The following GRIK4 variants were observed in gnomAD, a reference collection of about 807,000 sequenced individuals.
The protein encoded by GRIK4 is glutamate ionotropic receptor kainate type subunit 4.
A neutral mutation model predicts 104.9 loss-of-function variants in GRIK4; 40 were observed. The ratio of observed to expected loss-of-function variants is 0.38; its 90% CI spans 0.30 to 0.50. GRIK4 has a LOEUF of 0.50. Ranked by LOEUF, GRIK4 falls within the 20% of genes least tolerant of loss-of-function variation. The pLI is 0.93. For synonymous variants in GRIK4, 485 were observed against 524.9 expected, an observed-to-expected ratio of 0.92 and a Z score of 1.04; for missense variants, 1,047 against 1,308.1, an observed-to-expected ratio of 0.80 and a Z score of 3.08.
chr11:120,648,604 A>G (rs886551869), intron 1 of GRIK4, among the ~76,000 whole-genome samples: 6 of 152,124 alleles, frequency 3.9e-5, no homozygotes, highest in South Asian at 2.1e-4. Context: ...CTGTGGAGGA[A>G]TGTTCCAGAG....
intron 1 of GRIK4, among the ~76,000 whole-genome samples, chr11:120,629,965 G>A (rs1226615085): frequency 1.3e-5 from 2 of 152,170 alleles, no homozygotes; most frequent in Non-Finnish European, 2.9e-5. Context: ...CAAAGCTTTG[G>A]TGCAGGATAC....
intron 3 of GRIK4, among the ~76,000 whole-genome samples, chr11:120,694,093 T>C (rs548383035): frequency 2.0e-4 from 30 of 152,304 alleles, no homozygotes; most frequent in African/African-American, 7.2e-4. Flanking sequence ...GGACTGCAAG[T>C]GCCCATGGCA....
chr11:120,935,924 C>T (rs181016949), intron 13 of GRIK4, among the ~76,000 whole-genome samples: 9 of 152,134 alleles, frequency 5.9e-5, no homozygotes, highest in East Asian at 1.9e-4. Flanking sequence ...ACAAATCCTA[C>T]GTAGCCTTAC....
intron 3 of GRIK4, among the ~76,000 whole-genome samples, chr11:120,729,136 C>A (rs1397900606): frequency 6.6e-6 from 1 of 152,104 alleles, no homozygotes; most frequent in Non-Finnish European, 1.5e-5. Context: ...TGTATATGTA[C>A]CACATTTTCT....
chr11:120,515,796 GA>G (rs755191539), intron 1 of GRIK4, among the ~76,000 whole-genome samples: 25 of 152,206 alleles, frequency 1.6e-4, no homozygotes, highest in Non-Finnish European at 3.4e-4. Context: ...AATCCAGTAT[GA>G]ACAAAAAACT....
chr11:120,876,502 C>T (rs375152433), intron 11 of GRIK4, among the ~76,000 whole-genome samples: 1 of 149,262 alleles, frequency 6.7e-6, no homozygotes, highest in South Asian at 2.2e-4. Context: ...ACTACCACTG[C>T]GATTGTCATC....
chr11:120,592,481 G>A (rs1277271545), intron 1 of GRIK4, among the ~76,000 whole-genome samples: 1 of 152,194 alleles, frequency 6.6e-6, no homozygotes, highest in Admixed American at 6.5e-5. Context: ...GCTCGGTACT[G>A]CATTCCGTTG....
chr11:120,564,597 G>C (rs1948286909), intron 1 of GRIK4: 1 of 152,342 alleles, frequency 6.6e-6, no homozygotes, highest in African/African-American at 2.4e-5. Flanking sequence ...AGCCCCCCTC[G>C]ACCCGCCTTC....
At chr11:120,979,688 A>G (rs982687109) in intron 19 of GRIK4, among the ~76,000 whole-genome samples, 3 of 152,136 alleles carry the variant, frequency 2.0e-5, no homozygotes, top group Admixed American at 1.3e-4. Context: ...AGAAGACTGG[A>G]GGAGGACCAG....
intron 3 of GRIK4, among the ~76,000 whole-genome samples, chr11:120,738,465 G>A (rs1039655758): frequency 3.9e-5 from 6 of 152,216 alleles, no homozygotes; most frequent in Non-Finnish European, 8.8e-5. Context: ...GTCAGACTCA[G>A]CCCCAATGGC....
At chr11:120,985,080 C>T (rs1189196518) in intron 20 of GRIK4, among the ~76,000 whole-genome samples, 1 of 151,748 alleles carries the variant, frequency 6.6e-6, no homozygotes, top group Non-Finnish European at 1.5e-5. Flanking sequence ...CTGCCTACCT[C>T]GGCCCTCCAA....
intron 3 of GRIK4, among the ~76,000 whole-genome samples, chr11:120,733,747 T>TC (rs1481080804): frequency 1.2e-4 from 17 of 144,908 alleles, no homozygotes; most frequent in African/African-American, 2.1e-4. Flanking sequence ...TTTTTTTTTT[T>TC]TTTTTTTTGA....
rs567024875 is a variant in GRIK4 at position 120,721,694 on chromosome 11, G to A, written c.82+61294G>A. 2.6e-5 allele frequency among the ~76,000 whole-genome samples: 4 copies of A among 152,266 alleles called. No homozygotes were observed. In the South Asian group the frequency reaches 6.2e-4, roughly 24 times the overall value. Reference sequence around the variant, plus strand: ...ATTAGGGCAGGTGGCTGGTGGTCCAGAGTGGGAGATTCAATAAAGGAAATA... The same window carrying A: ...ATTAGGGCAGGTGGCTGGTGGTCCAAAGTGGGAGATTCAATAAAGGAAATA... On this transcript the variant is annotated intron_variant, in intron 3 of 20. Coordinates refer to ENST00000527524, the MANE Select transcript of GRIK4 (RefSeq NM_014619.5).
chr11:120,653,237 G>T (rs141389380), intron 1 of GRIK4, among the ~76,000 whole-genome samples: 2 of 152,248 alleles, frequency 1.3e-5, no homozygotes, highest in African/African-American at 4.8e-5. Context: ...GAACCAGGGG[G>T]CCAGTCTCTT....
rs533848224 is a variant in GRIK4, at chr11:120,566,959, G to A, written c.-159+55072G>A. Among the ~76,000 whole-genome samples, 13 of 149,072 alleles carry A rather than the reference G, an allele frequency of 8.7e-5. No individual in the cohort carries two copies. In the South Asian group the frequency reaches 2.5e-3, roughly 29 times the overall value. On this transcript the variant is annotated intron_variant, in intron 1 of 20. Coordinates refer to ENST00000527524, the MANE Select transcript of GRIK4 (RefSeq NM_014619.5). Reference sequence around the variant, plus strand: ...CCTGACCTCGTGTTCCGCCCACCTCGGCCTCCTAATTTTTTTTTTTTTTTT... The same window carrying A: ...CCTGACCTCGTGTTCCGCCCACCTCAGCCTCCTAATTTTTTTTTTTTTTTT...
chr11:120,675,408 G>A (rs1038301342), intron 3 of GRIK4, among the ~76,000 whole-genome samples: 1 of 152,174 alleles, frequency 6.6e-6, no homozygotes, highest in African/African-American at 2.4e-5. Context: ...CCACTTACTA[G>A]CTAAGTGCTT....
At chr11:120,602,668 C>T (rs4936527) in intron 1 of GRIK4, among the ~76,000 whole-genome samples, 4,130 of 152,290 alleles carry the variant, frequency 0.027, 350 homozygotes, top group East Asian at 0.17. Context: ...GTATCTGTCT[C>T]GCCTTAGTTT....
chr11:120,820,004 C>A, intron 6 of GRIK4, 84 bp downstream of exon 6: 2 of 1,365,866 alleles, frequency 1.5e-6, no homozygotes, highest in Non-Finnish European at 2.1e-6. Context: ...GGCTGGAGAC[C>A]CTCCAGGAAG....
intron 1 of GRIK4, among the ~76,000 whole-genome samples, chr11:120,613,799 G>A (rs1949069620): frequency 6.6e-6 from 1 of 152,220 alleles, no homozygotes; most frequent in Non-Finnish European, 1.5e-5. Flanking sequence ...AGAGTCAGGT[G>A]TGGGGTGAGC....
Sources: allele counts gnomAD v4.1 joint callset (sites outside exome capture counted in the v4.1 genomes callset), GRCh38; gene constraint gnomAD v4.1.1; transcripts MANE v1.5; gene names NCBI Gene and HGNC (gene_info 2026-07-23, HGNC 2026-07-21).